The following XRCC2 variants were observed in gnomAD, a reference collection of about 807,000 sequenced individuals.
The protein encoded by XRCC2 is X-ray repair cross complementing 2.
Under a neutral mutation model 27.3 loss-of-function variants are expected in XRCC2, and 24 were observed. The observed-to-expected ratio is 0.88, with a 90% CI of 0.64 to 1.24. The LOEUF (loss-of-function observed/expected upper bound fraction) is 1.24. Ranked by LOEUF, XRCC2 falls within the 50% of genes most tolerant of loss-of-function variation. XRCC2 has a pLI of 0.00. For synonymous variants in XRCC2, 106 were observed against 115.4 expected (o/e 0.92, Z 0.52); for missense variants, 321 against 325.8 (o/e 0.99, Z 0.11).
In XRCC2 at chr7:152,664,542, G is replaced by A. The variant is rs570345629; in HGVS notation, c.40-3760C>T. Among the ~76,000 whole-genome samples the A allele has an allele frequency of 9.2e-5, 14 of 152,188 alleles. No individual in the cohort carries two copies. The South Asian group carries it at 1.9e-3, about 20-fold the overall frequency. ...TGATTCTGGGACTTACCCCAGTGCCGCCTGTCCCCCAACCCTACACCATTC... is the reference window on the plus strand; with the variant it reads ...TGATTCTGGGACTTACCCCAGTGCCACCTGTCCCCCAACCCTACACCATTC... On this transcript the variant is annotated intron_variant, in intron 1 of 2. Coordinates refer to ENST00000359321, the MANE Select transcript of XRCC2 (RefSeq NM_005431.2).
At chr7:152,660,128 C>A (rs1032612659) in intron 2 of XRCC2, among the ~76,000 whole-genome samples, 1 of 152,056 alleles carries the variant, frequency 6.6e-6, no homozygotes, top group Non-Finnish European at 1.5e-5. Context: ...TTAGTAGTTG[C>A]CTAGAGCTGG....
chr7:152,654,821 G>A (rs1204611554), intron 2 of XRCC2, among the ~76,000 whole-genome samples: 1 of 152,122 alleles, frequency 6.6e-6, no homozygotes, highest in African/African-American at 2.4e-5. Flanking sequence ...TATAACAACC[G>A]GGAAGACACT....
chr7:152,657,710 C>T (rs2098031285), intron 2 of XRCC2, among the ~76,000 whole-genome samples: 1 of 152,068 alleles, frequency 6.6e-6, no homozygotes, highest in Non-Finnish European at 1.5e-5. Context: ...AAGCTTTTTA[C>T]AAAATATGGA....
chr7:152,657,646 G>A (rs1369478593), intron 2 of XRCC2, among the ~76,000 whole-genome samples: 3 of 152,162 alleles, frequency 2.0e-5, no homozygotes, highest in African/African-American at 4.8e-5. Flanking sequence ...AATATTAAAT[G>A]TGCTGATGAC....
chr7:152,663,277 C>T lies in XRCC2; in HGVS notation c.40-2495G>A, dbSNP rs3218456. 2.0e-3 allele frequency among the ~76,000 whole-genome samples: 277 copies of T among 139,152 alleles called. 1 individual carries two copies. Among genetic ancestry groups the T allele is most frequent in the Middle Eastern group, 0.013 (3 of 230 alleles). The allele number at this position is 139,152 out of a possible 152,430, so 91.3% of individuals were successfully genotyped here. A position where few individuals can be genotyped will look rare whatever the true frequency, so the allele number is the denominator to read the frequency against. On this transcript the variant is annotated intron_variant, in intron 1 of 2. Transcript: ENST00000359321. ...AGGCAGTGGTGTGGAAATGTATTAG[C>T]ACACATCGCCAAGCACTACCTGCAC...
intron 1 of XRCC2, among the ~76,000 whole-genome samples, chr7:152,674,768 A>AATATATTTTTAAATATATTTATATAT: frequency 7.9e-5 from 1 of 12,738 alleles, no homozygotes; most frequent in African/African-American, 3.0e-4. Flanking sequence ...TATTATATAT[A>AATATATTTTTAAATATATTTATATAT]AATATATTTT....
At chr7:152,668,076 T>TC (rs1427805203) in intron 1 of XRCC2, among the ~76,000 whole-genome samples, 1 of 151,194 alleles carries the variant, frequency 6.6e-6, no homozygotes, top group Non-Finnish European at 1.5e-5. Context: ...AATACACTGG[T>TC]CCCCCCTTAT....
At chr7:152,649,457 C>A in intron 2 of XRCC2, 94 bp from the exon 3 acceptor site, 1 of 1,413,972 alleles carries the variant, frequency 7.1e-7, no homozygotes. Flanking sequence ...AAGACACTTA[C>A]TGGAATGTGA....
chr7:152,663,383 T>A (rs2098034210), intron 1 of XRCC2, among the ~76,000 whole-genome samples: 2 of 129,102 alleles, frequency 1.5e-5, no homozygotes, highest in South Asian at 2.4e-4. Context: ...AGACTGCTTT[T>A]ACTAAATCAT....
intron 1 of XRCC2, among the ~76,000 whole-genome samples, chr7:152,669,280 C>G (rs1457296963): frequency 6.6e-6 from 1 of 152,182 alleles, no homozygotes; most frequent in Admixed American, 6.5e-5. Flanking sequence ...GGGCGATTAT[C>G]TGACTTCTTT....
At chr7:152,665,510 T>TTTTTA (rs869122513) in intron 1 of XRCC2, among the ~76,000 whole-genome samples, 1 of 143,612 alleles carries the variant, frequency 7.0e-6, no homozygotes, top group Non-Finnish European at 1.5e-5. Context: ...TTTTTTTTTT[T>TTTTTA]AGACAGGGTC....
rs1303811944 is a variant in XRCC2 at position 152,676,116 on chromosome 7, C to T, written c.-37G>A. ...CTCGGCGCAGGAGAGACTCAACTTT[C>T]CCGCCACCAACGCCATTCACCAACT... On this transcript the variant is annotated 5_prime_UTR_variant, in exon 1 of 3. Coordinates refer to ENST00000359321, the MANE Select transcript of XRCC2 (RefSeq NM_005431.2). The T allele has an allele frequency of 6.2e-7, 1 of 1,613,516 alleles. No homozygotes were observed. Among genetic ancestry groups the T allele is most frequent in the Non-Finnish European group, 8.5e-7 (1 of 1,179,716 alleles).
intron 2 of XRCC2, among the ~76,000 whole-genome samples, chr7:152,660,375 C>A (rs1159323338): frequency 6.6e-6 from 1 of 152,090 alleles, no homozygotes; most frequent in Non-Finnish European, 1.5e-5. Flanking sequence ...CAAGTGGGTA[C>A]CCAAGGACTT....
intron 1 of XRCC2, among the ~76,000 whole-genome samples, chr7:152,674,571 C>T (rs1683481843): frequency 6.6e-6 from 1 of 150,694 alleles, no homozygotes; most frequent in South Asian, 2.1e-4. Flanking sequence ...GAGATGGCAC[C>T]ATTGCACTCC....
At position 152,671,012 on chromosome 7, in the gene XRCC2, C is replaced by A. The variant is rs1446624487; in HGVS notation, c.39+5029G>T. On this transcript the variant is annotated intron_variant, in intron 1 of 2. Coordinates refer to ENST00000359321, the MANE Select transcript of XRCC2 (RefSeq NM_005431.2). ...GGCAGATCACCTGAGGTCAGGAGTT[C>A]GAGACCAGCCTGGCCAATATGGTGA... 2.0e-5 allele frequency among the ~76,000 whole-genome samples: 3 copies of A among 152,076 alleles called. No homozygotes were observed. The South Asian group carries it at 6.2e-4, about 32-fold the overall frequency.
chr7:152,676,129 C>T lies in XRCC2; in HGVS notation c.-50G>A, dbSNP rs139350845. 499 of 1,612,874 alleles carry T rather than the reference C, an allele frequency of 3.1e-4. 5 individuals are homozygous for T. The African/African-American group carries it at 5.8e-3, about 19-fold the overall frequency. On this transcript the variant is annotated 5_prime_UTR_variant, in exon 1 of 3. Transcript: ENST00000359321. ...AGACTCAACTTTCCCGCCACCAACGCCATTCACCAACTGCGCAGACTCTAC... is the reference window on the plus strand; with the variant it reads ...AGACTCAACTTTCCCGCCACCAACGTCATTCACCAACTGCGCAGACTCTAC...
intron 1 of XRCC2, 67 bp from the exon 2 acceptor site, chr7:152,660,849 T>C: frequency 2.9e-6 from 4 of 1,366,162 alleles, no homozygotes; most frequent in Non-Finnish European, 4.0e-6. Flanking sequence ...TCTATATTTA[T>C]ACCATTTTCC....
At chr7:152,663,346 T>TAAAAAAAAAAAAAAAAAAAAAAAAAA (rs530664762) in intron 1 of XRCC2, among the ~76,000 whole-genome samples, 17 of 80,908 alleles carry the variant, frequency 2.1e-4, no homozygotes, top group Non-Finnish European at 3.2e-4. Context: ...GTCTTTGAAG[T>TAAAAAAAAAAAAAAAAAAAAAAAAAA]AAAAAAAAAA....
intron 1 of XRCC2, among the ~76,000 whole-genome samples, chr7:152,672,987 C>T (rs1004964379): frequency 9.2e-5 from 14 of 152,010 alleles, no homozygotes; most frequent in African/African-American, 3.1e-4. Context: ...AAATACTGCC[C>T]AAATCACTGG....
Sources: allele counts gnomAD v4.1 joint callset (sites outside exome capture counted in the v4.1 genomes callset), GRCh38; gene constraint gnomAD v4.1.1; transcripts MANE v1.5; gene names NCBI Gene and HGNC (gene_info 2026-07-23, HGNC 2026-07-21).